Variants in SLCO4C1 observed in about 807,000 individuals in gnomAD.
The protein encoded by SLCO4C1 is organic anion transporter M1.
In SLCO4C1, 58 loss-of-function variants were observed where a neutral mutation model predicts 72.1. The observed-to-expected ratio is 0.80, with a 90% CI of 0.65 to 1.00. The LOEUF (loss-of-function observed/expected upper bound fraction) is 1.00, where lower values mean the gene tolerates loss of function less well. Ranked by LOEUF, SLCO4C1 falls within the 50% of genes least tolerant of loss-of-function variation. The probability of loss-of-function intolerance (pLI) is 0.00; values close to 1 mark genes in which losing one functional copy is unlikely to be tolerated. For synonymous variants in SLCO4C1, 297 were observed against 312.5 expected (o/e 0.95, Z 0.52); for missense variants, 898 against 857.9 (o/e 1.05, Z -0.58).
chr5:102,295,409 GTAT>G (rs1749630118), intron 1 of SLCO4C1, among the ~76,000 whole-genome samples: 1 of 152,168 alleles, frequency 6.6e-6, no homozygotes, highest in Non-Finnish European at 1.5e-5. Context: ...ATGAATGTCT[GTAT>G]CTAATTTATA....
chr5:102,287,084 A>C (rs568490175), intron 2 of SLCO4C1, among the ~76,000 whole-genome samples: 6 of 152,140 alleles, frequency 3.9e-5, no homozygotes, highest in African/African-American at 1.2e-4. Context: ...AATTAATAAA[A>C]TCATTTATTA....
At chr5:102,264,659 A>G (rs972756640) in intron 3 of SLCO4C1, among the ~76,000 whole-genome samples, 1 of 150,182 alleles carries the variant, frequency 6.7e-6, no homozygotes, top group Non-Finnish European at 1.5e-5. Flanking sequence ...AGCTTTTTGA[A>G]CATATACAAT....
chr5:102,260,830 T>C (rs980375237), intron 5 of SLCO4C1, among the ~76,000 whole-genome samples: 1 of 152,246 alleles, frequency 6.6e-6, no homozygotes, highest in Admixed American at 6.5e-5. Flanking sequence ...ATAATGGTAC[T>C]GCCAACAAAT....
Position 102,270,709 on chromosome 5 carries a change from C to T in SLCO4C1, c.717G>A (p.Leu239=), listed in dbSNP as rs753065994. 1.9e-6 allele frequency: 3 copies of T among 1,613,084 alleles called. No individual in the cohort carries two copies. Among genetic ancestry groups the T allele is most frequent in the Non-Finnish European group, 2.5e-6 (3 of 1,179,504 alleles). The part of the protein sequence containing the change: ...LYVFILGQLL[L]GAGGTPLYTL... ...TATAAAGAGGAGTTCCTCCTGCCCC[C>T]AGCAATAGTTGTCCCAAGATGAAGA... The change falls in exon 3 of 13, where the codon CTG becomes CTA. Residue 239 remains leucine, a synonymous_variant. Transcript: ENST00000310954.
Position 102,235,649 on chromosome 5 carries a change from G to A in SLCO4C1, c.*1209C>T, listed in dbSNP as rs187195921. 6.6e-6 allele frequency: 1 copy of A among 152,454 alleles called. No homozygotes were observed. Among genetic ancestry groups the A allele is most frequent in the African/African-American group, 2.4e-5 (1 of 41,586 alleles). 9.4% of individuals were successfully genotyped at this position (152,454 alleles called of 1,614,324 possible). A position where few individuals can be genotyped will look rare whatever the true frequency, so the allele number is the denominator to read the frequency against. On this transcript the variant is annotated 3_prime_UTR_variant, in exon 13 of 13. Transcript: ENST00000310954. ...GGCAGGTGAGTGAGCATTACTGCCT[G>A]AGCTCCACCTCTTGTTAGATCAGTA... is the stretch of plus-strand genomic sequence containing the variant.
rs1468756468 is a variant in SLCO4C1, at chr5:102,240,730, G to T, written c.1864C>A (p.Leu622Ile). 6.2e-7 allele frequency: 1 copy of T among 1,609,686 alleles called. No individual in the cohort carries two copies. The highest frequency in any genetic ancestry group is 1.1e-5 in the South Asian group (1 of 90,546). ...SLALGIQFMV[L>I]RLLGTIPGPI... ...AAAAATGGCATACCTAATAATCGAA[G>T]GACCATAAATTGTATTCCCAAGGCT... Residue 622 changes from leucine (L) to isoleucine (I), a missense_variant, in exon 11 of 13, where the codon CTT becomes ATT. By Grantham distance (5) the Leu-to-Ile change is conservative. Transcript: ENST00000310954.
Position 102,249,733 on chromosome 5 carries a change from G to A in SLCO4C1, c.1525C>T (p.Arg509Ter), listed in dbSNP as rs754562682. 46 of 1,613,730 alleles carry A rather than the reference G, an allele frequency of 2.9e-5. No individual in the cohort carries two copies. Among genetic ancestry groups the A allele is most frequent in the Admixed American group, 1.3e-4 (8 of 59,966 alleles). ...APCNANCNCS[R>*]SYYYPVCGDG... ...CCACAGACAGGATAATAATATGATCGCGAACAGTTACAATTGGCATTACAA... is the reference window on the plus strand; with the variant it reads ...CCACAGACAGGATAATAATATGATCACGAACAGTTACAATTGGCATTACAA... Residue 509 changes from arginine (R) to a stop codon, truncating the protein, a stop_gained, in exon 9 of 13, where the codon CGA (arginine) becomes TGA (stop). Transcript: ENST00000310954. LOFTEE classifies it high-confidence loss of function.
At chr5:102,266,797 G>A (rs567724949) in intron 3 of SLCO4C1, among the ~76,000 whole-genome samples, 7 of 152,198 alleles carry the variant, frequency 4.6e-5, no homozygotes, top group South Asian at 4.1e-4. Context: ...GTTGATGTAC[G>A]TTCCTTTTAT....
chr5:102,260,346 TAA>T (rs998278308), intron 5 of SLCO4C1, 27 bp from the exon 6 acceptor site: 14 of 315,692 alleles, frequency 4.4e-5, no homozygotes, highest in Non-Finnish European at 6.0e-5. Flanking sequence ...TATATATATA[TAA>T]TATATATATT....
chr5:102,296,112 T>C lies in SLCO4C1; in HGVS notation c.151A>G (p.Lys51Glu). The C allele has an allele frequency of 1.2e-6, 2 of 1,614,130 alleles. No individual in the cohort carries two copies. Among genetic ancestry groups the C allele is most frequent in the South Asian group, 2.2e-5 (2 of 91,082 alleles). The change falls in exon 1 of 13, where the codon AAG (lysine) becomes GAG (glutamate). Residue 51 changes from lysine (K) to glutamate (E), a missense_variant. Coordinates refer to ENST00000310954, the MANE Select transcript of SLCO4C1 (RefSeq NM_180991.5). ...GGTGACTTCTGGGGCTCCTGGGGCT[T>C]CTGAAGCTCCTGTGGCTGAGAATTC... ...RENSQPQELQ[K>E]PQEPQKSPEP...
At chr5:102,287,847 C>A (rs1200265839) in intron 2 of SLCO4C1, among the ~76,000 whole-genome samples, 1 of 152,018 alleles carries the variant, frequency 6.6e-6, no homozygotes, top group African/African-American at 2.4e-5. Flanking sequence ...AGTCATTGCG[C>A]CCGGCCAGGT....
chr5:102,250,729 C>T (rs1748722809), intron 8 of SLCO4C1, among the ~76,000 whole-genome samples: 1 of 152,166 alleles, frequency 6.6e-6, no homozygotes, highest in Non-Finnish European at 1.5e-5. Flanking sequence ...TGGCTTACAC[C>T]TGTAATCCCA....
intron 8 of SLCO4C1, among the ~76,000 whole-genome samples, chr5:102,250,975 A>G (rs2112347615): frequency 6.6e-6 from 1 of 152,164 alleles, no homozygotes; most frequent in East Asian, 1.9e-4. Context: ...CAACAGAGTG[A>G]GACTCCATAC....
chr5:102,269,679 T>C (rs907894902), intron 3 of SLCO4C1, among the ~76,000 whole-genome samples: 2 of 152,176 alleles, frequency 1.3e-5, no homozygotes, highest in African/African-American at 4.8e-5. Flanking sequence ...TTTTTAGGCA[T>C]TTCACAGATT....
chr5:102,279,185 T>C (rs57846683), intron 2 of SLCO4C1, among the ~76,000 whole-genome samples: 258 of 151,972 alleles, frequency 1.7e-3, no homozygotes, highest in African/African-American at 5.8e-3. Context: ...AAAGAAAATA[T>C]AATAAATAAA....
chr5:102,295,875 TG>T lies in SLCO4C1; in HGVS notation c.355+32del, dbSNP rs1749640568. 3 of 1,583,022 alleles carry T rather than the reference TG, an allele frequency of 1.9e-6. No individual in the cohort carries two copies. In the East Asian group the frequency reaches 6.8e-5, roughly 36 times the overall value. ...TCGCCGTGCCCACCTCGCTCTCCAC[TG>T]GCCCGAGCCTCAAGCGGGCGCTGGA... On this transcript the variant is annotated intron_variant, in intron 1 of 12. Transcript: ENST00000310954.
intron 2 of SLCO4C1, among the ~76,000 whole-genome samples, chr5:102,272,562 T>C (rs372409546): frequency 1.3e-5 from 2 of 152,180 alleles, no homozygotes; most frequent in African/African-American, 4.8e-5. Flanking sequence ...CTGTCATTAA[T>C]GTAGATTTTA....
chr5:102,239,719 T>A lies in SLCO4C1; in HGVS notation c.1877-331A>T, dbSNP rs944986884. On this transcript the variant is annotated intron_variant, in intron 11 of 12. Coordinates refer to ENST00000310954, the MANE Select transcript of SLCO4C1 (RefSeq NM_180991.5). ...CCTTTGAAATTAGCTATTATACTTG[T>A]TAAAAATCAAAATAAATTATTCATG... is the stretch of plus-strand genomic sequence containing the variant. 3.3e-5 allele frequency among the ~76,000 whole-genome samples: 5 copies of A among 152,080 alleles called. No individual in the cohort carries two copies. In the East Asian group the frequency reaches 7.7e-4, roughly 23 times the overall value.
At chr5:102,242,603 A>C (rs1748566234) in intron 10 of SLCO4C1, among the ~76,000 whole-genome samples, 1 of 152,168 alleles carries the variant, frequency 6.6e-6, no homozygotes, top group Non-Finnish European at 1.5e-5. Flanking sequence ...TTGGGCCAGA[A>C]GGGTGCTTGC....
Sources: gnomAD v4.1 joint callset for allele counts (sites outside exome capture counted in the v4.1 genomes callset) on GRCh38, gnomAD v4.1.1 for gene constraint, MANE v1.5 for transcripts, NCBI Gene and HGNC (gene_info 2026-07-23, HGNC 2026-07-21) for gene names.